GARNL3: variants seen among roughly 807,000 people sequenced by gnomAD.
GARNL3 encodes GTPase activating Rap/RanGAP domain like 3.
GARNL3 carries 63 observed loss-of-function variants against 125.0 expected under a neutral mutation model. That is an observed-to-expected ratio of 0.50 (90% CI 0.41 to 0.62). The LOEUF is 0.62. Ranked by LOEUF, GARNL3 falls within the 20% of genes least tolerant of loss-of-function variation. The pLI, the probability that GARNL3 is intolerant of heterozygous loss-of-function variation, is 0.00. For synonymous variants in GARNL3, 439 were observed against 457.5 expected (o/e 0.96, Z 0.52); for missense variants, 994 against 1,244.0 (o/e 0.80, Z 3.02).
At chr9:127,321,598 T>A (rs2065405062) in intron 6 of GARNL3, among the ~76,000 whole-genome samples, 1 of 152,242 alleles carries the variant, frequency 6.6e-6, no homozygotes, top group Non-Finnish European at 1.5e-5. Context: ...GAAAAAAATT[T>A]AGTCATAATT....
At chr9:127,362,222 C>T (rs1206363791) in intron 21 of GARNL3, 1 of 151,816 alleles carries the variant, frequency 6.6e-6, no homozygotes, top group Non-Finnish European at 1.5e-5. Context: ...GTGCCCACCA[C>T]CACACCCGAC....
intron 9 of GARNL3, among the ~76,000 whole-genome samples, chr9:127,334,099 G>T (rs4451421): frequency 6.6e-6 from 1 of 151,962 alleles, no homozygotes; most frequent in African/African-American, 2.4e-5. Flanking sequence ...GACACTTCAG[G>T]GTTTCTGCCC....
rs752148202 is a variant in GARNL3, at chr9:127,353,865, C to T, written c.1563C>T (p.Pro521=). 2.2e-5 allele frequency: 36 copies of T among 1,612,816 alleles called. No individual in the cohort carries two copies. Among genetic ancestry groups the T allele is most frequent in the South Asian group, 1.6e-4 (15 of 91,062 alleles). The part of the protein sequence containing the change: ...LLVDDDLPSV[P]VFDRTLPVKQ... ...TTCCAGATGACCTTCCATCAGTGCC[C>T]GTGTTTGACAGAACTCTGCCAGTGA... is the stretch of plus-strand genomic sequence containing the variant. Residue 521 remains proline, a synonymous_variant, in exon 18 of 28, where the codon CCC becomes CCT. Coordinates refer to ENST00000373387, the MANE Select transcript of GARNL3 (RefSeq NM_032293.5).
intron 2 of GARNL3, among the ~76,000 whole-genome samples, chr9:127,298,047 C>T (rs17378510): frequency 0.08 from 12,178 of 152,212 alleles, 674 homozygotes; most frequent in Middle Eastern, 0.12. Flanking sequence ...AATTTATAGC[C>T]GGAACAAAAA....
chr9:127,342,159 A>T (rs1053823745), intron 13 of GARNL3, 60 bp from the exon 14 acceptor site: 3 of 1,060,076 alleles, frequency 2.8e-6, no homozygotes, highest in Admixed American at 3.5e-5. Flanking sequence ...CATAGTTTCA[A>T]TTCTTGTGTG....
At chr9:127,310,020 T>C (rs888190446) in intron 2 of GARNL3, among the ~76,000 whole-genome samples, 1 of 152,224 alleles carries the variant, frequency 6.6e-6, no homozygotes, top group African/African-American at 2.4e-5. Context: ...ATTCAGACAT[T>C]TACTGTAAAC....
intron 2 of GARNL3, among the ~76,000 whole-genome samples, chr9:127,251,271 T>C (rs1156293987): frequency 6.6e-6 from 1 of 152,234 alleles, no homozygotes; most frequent in African/African-American, 2.4e-5. Flanking sequence ...ATAGTAAATG[T>C]TCTTAGTTCA....
chr9:127,241,376 G>A (rs1255810572), intron 1 of GARNL3, among the ~76,000 whole-genome samples: 3 of 152,216 alleles, frequency 2.0e-5, no homozygotes, highest in Non-Finnish European at 2.9e-5. Context: ...TAAGGTAGCC[G>A]TAAACTCTAG....
intron 22 of GARNL3, among the ~76,000 whole-genome samples, chr9:127,366,179 GATTA>G (rs1224139344): frequency 3.3e-5 from 5 of 152,162 alleles, no homozygotes; most frequent in Admixed American, 2.6e-4. Context: ...CAGATGTTTT[GATTA>G]ATTAATCTTT....
intron 1 of GARNL3, among the ~76,000 whole-genome samples, chr9:127,238,764 C>T (rs1395573203): frequency 1.4e-5 from 2 of 138,522 alleles, no homozygotes; most frequent in African/African-American, 7.1e-5. Flanking sequence ...CATCTGCTCC[C>T]TGTGGAAACC....
intron 22 of GARNL3, among the ~76,000 whole-genome samples, chr9:127,369,385 A>G (rs756422080): frequency 4.6e-5 from 7 of 152,240 alleles, no homozygotes; most frequent in Admixed American, 2.0e-4. Context: ...GCACTCAAGA[A>G]AGAGCTGTGC....
chr9:127,389,181 A>T, intron 26 of GARNL3, 62 bp downstream of exon 26: 6 of 1,194,036 alleles, frequency 5.0e-6, no homozygotes, highest in Non-Finnish European at 7.4e-6. Context: ...TTATCTTTGG[A>T]TATGAATTGT....
chr9:127,240,578 C>T lies in GARNL3; in HGVS notation c.-28-2501C>T, dbSNP rs575393668. 5.9e-5 allele frequency among the ~76,000 whole-genome samples: 9 copies of T among 152,294 alleles called. No individual in the cohort carries two copies. The South Asian group carries it at 1.2e-3, about 21-fold the overall frequency. On this transcript the variant is annotated intron_variant, in intron 1 of 10. Transcript: ENST00000439286. ...AATATAAAGCAACCTACATATGTGA[C>T]TTTACATTTTCTAGTAGCCACATTA...
At chr9:127,306,510 G>A (rs1380400330) in intron 2 of GARNL3, among the ~76,000 whole-genome samples, 2 of 152,160 alleles carry the variant, frequency 1.3e-5, no homozygotes, top group Admixed American at 6.5e-5. Context: ...GGCGGATCAC[G>A]AGGTCAGGAG....
rs1287200881 is a variant in GARNL3 at position 127,384,102 on chromosome 9, T to C, written c.2269+557T>C. On this transcript the variant is annotated intron_variant, in intron 23 of 27. Coordinates refer to ENST00000373387, the MANE Select transcript of GARNL3 (RefSeq NM_032293.5). The surrounding 1 kb of genome is among the most constrained non-coding windows in gnomAD (Gnocchi z 4.0). ...CCAGTTCATTCTTTTGTCCTCACAA[T>C]AAAACTGTGTGTTAATAGGTCCACA... 6.6e-6 allele frequency among the ~76,000 whole-genome samples: 1 copy of C among 152,232 alleles called. No homozygotes were observed. Among genetic ancestry groups the C allele is most frequent in the Non-Finnish European group, 1.5e-5 (1 of 68,042 alleles).
At chr9:127,230,557 G>C (rs1328544913) in intron 1 of GARNL3, among the ~76,000 whole-genome samples, 1 of 151,784 alleles carries the variant, frequency 6.6e-6, no homozygotes, top group Non-Finnish European at 1.5e-5. Context: ...GGAGGCTGAG[G>C]CAGGAGAATC....
chr9:127,276,398 C>A (rs1458387819), intron 1 of GARNL3, among the ~76,000 whole-genome samples: 1 of 147,506 alleles, frequency 6.8e-6, no homozygotes, highest in South Asian at 2.1e-4. Flanking sequence ...TTTTTTGATT[C>A]CTTCTTGTCT....
chr9:127,392,074 C>T lies in GARNL3; in HGVS notation c.2871-1009C>T, dbSNP rs1832899034. ...AGACCAACAAGCGTCCAGAAAATGA[C>T]TGCATTCCAGCATGGCAGGTGATGT... On this transcript the variant is annotated intron_variant, in intron 27 of 27. Coordinates refer to ENST00000373387, the MANE Select transcript of GARNL3 (RefSeq NM_032293.5). The surrounding 1 kb of genome is among the most constrained non-coding windows in gnomAD (Gnocchi z 5.2). Among the ~76,000 whole-genome samples the T allele has an allele frequency of 6.6e-6, 1 of 152,226 alleles. No individual in the cohort carries two copies.
chr9:127,355,425 T>G lies in GARNL3; in HGVS notation c.1888T>G (p.Leu630Val). The G allele has an allele frequency of 6.2e-7, 1 of 1,614,258 alleles. No individual in the cohort carries two copies. The highest frequency in any genetic ancestry group is 8.5e-7 in the Non-Finnish European group (1 of 1,180,036). The change falls in exon 20 of 28, where the codon TTA becomes GTA. Residue 630 changes from leucine to valine, a missense_variant. Physicochemically the swap from Leu to Val is conservative, Grantham distance 32. This residue lies in a region of GARNL3 where 728 missense variants were observed against 865.7 expected (regional missense o/e 0.84). Coordinates refer to ENST00000373387, the MANE Select transcript of GARNL3 (RefSeq NM_032293.5). Reference protein sequence around the residue: ...KPSGVTSTSLLSPLSESPVEE... With the variant: ...KPSGVTSTSLVSPLSESPVEE... ...AAGCGGGGTCACCAGCACCTCATTGTTATCTCCCCTGTCTGAGTCACCTGT... is the reference window on the plus strand; with the variant it reads ...AAGCGGGGTCACCAGCACCTCATTGGTATCTCCCCTGTCTGAGTCACCTGT...
Sources: allele counts gnomAD v4.1 joint callset (sites outside exome capture counted in the v4.1 genomes callset), GRCh38; gene constraint gnomAD v4.1.1; regional missense constraint gnomAD v4.1.1; non-coding constraint Gnocchi (gnomAD v3.1); transcripts MANE v1.5; gene names NCBI Gene and HGNC (gene_info 2026-07-23, HGNC 2026-07-21).